Variants in NRP1 observed in about 807,000 individuals in gnomAD.
NRP1 encodes neuropilin 1.
In NRP1, 35 loss-of-function variants were observed where a neutral mutation model predicts 106.7. The observed-to-expected ratio is 0.33, with a 90% CI of 0.25 to 0.43. The LOEUF (loss-of-function observed/expected upper bound fraction) is 0.43. Among genes scored for constraint, NRP1 ranks in the 20% least tolerant of loss-of-function variants. The pLI is 1.00. For missense variants in NRP1, 1,024 were observed against 1,170.4 expected (o/e 0.87, Z 1.83); for synonymous variants, 437 against 417.9 (o/e 1.05, Z -0.56).
At chr10:33,222,485 G>A (rs1019388130) in intron 7 of NRP1, among the ~76,000 whole-genome samples, 1 of 150,092 alleles carries the variant, frequency 6.7e-6, no homozygotes, top group Non-Finnish European at 1.5e-5. Flanking sequence ...TTTTTCCAGG[G>A]CTTGTGCGTC....
At chr10:33,208,753 G>T (rs1431691728) in intron 9 of NRP1, among the ~76,000 whole-genome samples, 1 of 151,834 alleles carries the variant, frequency 6.6e-6, no homozygotes, top group African/African-American at 2.4e-5. Flanking sequence ...AACTCATTTT[G>T]TCATCTTCCT....
Position 33,236,243 on chromosome 10 carries a change from G to C in NRP1, c.982-9954C>G, listed in dbSNP as rs561877593. Among the ~76,000 whole-genome samples the C allele has an allele frequency of 2.6e-5, 4 of 152,290 alleles. No individual in the cohort carries two copies. In the East Asian group the frequency reaches 7.7e-4, roughly 29 times the overall value. ...TGCCTAACTGAAATTTCTTAACAGA[G>C]AAAAAATAAGTATGCTACAGTTTTA... On this transcript the variant is annotated intron_variant, in intron 6 of 16. Transcript: ENST00000374867.
intron 8 of NRP1, among the ~76,000 whole-genome samples, chr10:33,215,319 G>A (rs570780507): frequency 6.6e-6 from 1 of 152,164 alleles, no homozygotes; most frequent in South Asian, 2.1e-4. Flanking sequence ...GAAATATGAT[G>A]TAAGTAGCAC....
chr10:33,190,316 T>G (rs1448683737), intron 13 of NRP1, among the ~76,000 whole-genome samples: 1 of 152,254 alleles, frequency 6.6e-6, no homozygotes, highest in Admixed American at 6.5e-5. Flanking sequence ...GCCTTCATTT[T>G]GGCTAATTGC....
At chr10:33,244,128 A>C (rs575866190) in intron 6 of NRP1, among the ~76,000 whole-genome samples, 13 of 152,284 alleles carry the variant, frequency 8.5e-5, no homozygotes, top group African/African-American at 3.1e-4. Flanking sequence ...TGGAATTTAC[A>C]GGGTTCAGCT....
chr10:33,254,122 T>A lies in NRP1; in HGVS notation c.887A>T (p.Gln296Leu). ...CTCTGCAGACCAGTTGGTGCTATAC[T>A]GGGAAGAAGCTGTGATCTGGTCAGA... ...IHSDQITASS[Q>L]YSTNWSAERS... The change falls in exon 6 of 17, where the codon CAG (glutamine) becomes CTG (leucine). Residue 296 changes from glutamine (Q) to leucine (L), a missense_variant. Transcript: ENST00000374867. 6.2e-7 allele frequency: 1 copy of A among 1,614,068 alleles called. No individual in the cohort carries two copies. Among genetic ancestry groups the A allele is most frequent in the South Asian group, 1.1e-5 (1 of 91,062 alleles).
At chr10:33,262,734 C>T (rs1262646150) in intron 4 of NRP1, among the ~76,000 whole-genome samples, 4 of 151,066 alleles carry the variant, frequency 2.6e-5, no homozygotes, top group Non-Finnish European at 4.4e-5. Flanking sequence ...TCTAACCTCA[C>T]CACCCTATTT....
intron 8 of NRP1, among the ~76,000 whole-genome samples, chr10:33,215,689 A>G (rs866131962): frequency 2.6e-5 from 4 of 152,254 alleles, no homozygotes; most frequent in Admixed American, 6.5e-5. Context: ...ATCTAATGCA[A>G]TTAAACTAAG....
chr10:33,180,328 G>A lies in NRP1; in HGVS notation c.2520C>T (p.Asp840=). ...TGCCTGGCTTCCTGGAGATGTTCTT[G>A]TCACCTTCTCCTTCACCTTCGTATC... ...TPGYEGEGEG[D]KNISRKPGNV... The change falls in exon 17 of 17, where the codon GAC becomes GAT. Residue 840 remains aspartate, a synonymous_variant. Transcript: ENST00000374867. The A allele has an allele frequency of 1.2e-6, 2 of 1,605,596 alleles. No individual in the cohort carries two copies. Among genetic ancestry groups the A allele is most frequent in the Admixed American group, 1.7e-5 (1 of 59,812 alleles).
intron 1 of NRP1, among the ~76,000 whole-genome samples, chr10:33,331,633 G>T (rs1848293641): frequency 6.6e-6 from 1 of 152,174 alleles, no homozygotes. Context: ...ACAGGTCTGG[G>T]TATCACATAT....
chr10:33,214,594 C>A (rs1484031344), intron 8 of NRP1, among the ~76,000 whole-genome samples: 3 of 152,304 alleles, frequency 2.0e-5, no homozygotes, highest in Admixed American at 6.5e-5. Flanking sequence ...CCAGACCCCA[C>A]TTTGAATCTC....
At position 33,334,468 on chromosome 10, in the gene NRP1, A is replaced by G; in HGVS notation, c.-86T>C. Reference sequence around the variant, plus strand: ...CAAAGAGGAGAATCTAAGCGATCCGAAGAGCCCCAACTCCGCCTAGAGCTG... The same window carrying G: ...CAAAGAGGAGAATCTAAGCGATCCGGAGAGCCCCAACTCCGCCTAGAGCTG... On this transcript the variant is annotated 5_prime_UTR_variant, in exon 1 of 17. Transcript: ENST00000374867. 1 of 1,227,332 alleles carries G rather than the reference A, an allele frequency of 8.1e-7. No homozygotes were observed. The highest frequency in any genetic ancestry group is 1.2e-6 in the Non-Finnish European group (1 of 866,534). 76.0% of individuals were successfully genotyped at this position (1,227,332 alleles called of 1,614,324 possible).
At position 33,217,654 on chromosome 10, in the gene NRP1, T is replaced by A. The variant is rs140941648; in HGVS notation, c.1283-3937A>T. On this transcript the variant is annotated intron_variant, in intron 8 of 16. Transcript: ENST00000374867. Reference sequence around the variant, plus strand: ...TAGAATTCAGAGAAATAATGAATAATTTTTTAGTACACATATGTCTCAAAT... The same window carrying A: ...TAGAATTCAGAGAAATAATGAATAAATTTTTAGTACACATATGTCTCAAAT... 3.2e-4 allele frequency among the ~76,000 whole-genome samples: 49 copies of A among 152,312 alleles called. No homozygotes were observed. The East Asian group carries it at 9.5e-3, about 29-fold the overall frequency.
intron 4 of NRP1, among the ~76,000 whole-genome samples, chr10:33,261,338 C>T (rs559506462): frequency 1.5e-4 from 23 of 152,312 alleles, no homozygotes; most frequent in African/African-American, 5.3e-4. Context: ...ACCTCTTCTT[C>T]AGATGTCAAT....
At chr10:33,294,724 C>A (rs1413221729) in intron 2 of NRP1, among the ~76,000 whole-genome samples, 1 of 151,970 alleles carries the variant, frequency 6.6e-6, no homozygotes, top group Non-Finnish European at 1.5e-5. Context: ...AAGGAAAATG[C>A]CATTTTTGTG....
chr10:33,215,629 T>C (rs560089150), intron 8 of NRP1, among the ~76,000 whole-genome samples: 14 of 152,344 alleles, frequency 9.2e-5, no homozygotes, highest in African/African-American at 3.1e-4. Context: ...CTGCGTTATA[T>C]AATAAAAATT....
chr10:33,263,376 A>G (rs1842701661), intron 4 of NRP1, among the ~76,000 whole-genome samples: 1 of 151,568 alleles, frequency 6.6e-6, no homozygotes, highest in South Asian at 2.1e-4. Flanking sequence ...TGTCTCAATT[A>G]TATCACAAAA....
intron 6 of NRP1, among the ~76,000 whole-genome samples, chr10:33,234,917 AGGGCTG>A (rs1840440315): frequency 6.6e-6 from 1 of 152,194 alleles, no homozygotes; most frequent in Non-Finnish European, 1.5e-5. Flanking sequence ...GGGCAGTGGA[AGGGCTG>A]GCTTCCCTGA....
At position 33,203,073 on chromosome 10, in the gene NRP1, G is replaced by A. The variant is rs1247701032; in HGVS notation, c.1760-78C>T. Reference sequence around the variant, plus strand: ...GCCTCTGGCTGTTGGATCTGCTAACGCTTATGCAGAAAACTTTAATCTGCG... The same window carrying A: ...GCCTCTGGCTGTTGGATCTGCTAACACTTATGCAGAAAACTTTAATCTGCG... On this transcript the variant is annotated intron_variant, in intron 10 of 16. Transcript: ENST00000374867. 1.3e-5 allele frequency: 19 copies of A among 1,444,602 alleles called. No individual in the cohort carries two copies. In the South Asian group the frequency reaches 1.5e-4, roughly 11 times the overall value. 89.5% of individuals were successfully genotyped at this position (1,444,602 alleles called of 1,614,324 possible).
Sources: gnomAD v4.1 joint callset for allele counts (sites outside exome capture counted in the v4.1 genomes callset) on GRCh38, gnomAD v4.1.1 for gene constraint, MANE v1.5 for transcripts, NCBI Gene and HGNC (gene_info 2026-07-23, HGNC 2026-07-21) for gene names.